The following RAD51B variants were observed in gnomAD, a reference collection of about 807,000 sequenced individuals.
RAD51B encodes DNA repair protein RAD51 homolog 2.
A neutral mutation model predicts 42.2 loss-of-function variants in RAD51B; 38 were observed. The ratio of observed to expected loss-of-function variants is 0.90; its 90% CI spans 0.70 to 1.18. The LOEUF (loss-of-function observed/expected upper bound fraction) is 1.18. Ranked by LOEUF, RAD51B falls within the 50% of genes most tolerant of loss-of-function variation. The pLI, the probability that RAD51B is intolerant of heterozygous loss-of-function variation, is 0.00. For synonymous variants in RAD51B, 154 were observed against 145.2 expected (o/e 1.06, Z -0.43); for missense variants, 373 against 400.7 (o/e 0.93, Z 0.59).
At chr14:67,917,790 T>A (rs181345705) in intron 7 of RAD51B, among the ~76,000 whole-genome samples, 7 of 152,100 alleles carry the variant, frequency 4.6e-5, no homozygotes, top group Admixed American at 4.6e-4. Context: ...ACAGAGCAGA[T>A]TTGAGGGGGA....
chr14:68,663,454 C>G (rs1358896634), intron 11 of RAD51B, among the ~76,000 whole-genome samples: 4 of 152,218 alleles, frequency 2.6e-5, no homozygotes, highest in African/African-American at 2.4e-5. Context: ...ATGAATGGCT[C>G]TCTCCTCCAG....
intron 7 of RAD51B, among the ~76,000 whole-genome samples, chr14:68,089,289 G>A (rs1222735982): frequency 6.6e-6 from 1 of 152,052 alleles, no homozygotes; most frequent in Non-Finnish European, 1.5e-5. Context: ...TGTCCCTCCT[G>A]GTAATGTACT....
Position 68,388,799 on chromosome 14 carries a change from G to A in RAD51B, c.854-22625G>A, listed in dbSNP as rs544568137. Reference sequence around the variant, plus strand: ...TGATGTGGGAAGTGCACCTCCCAGCGTGGCTGCATCTGGTCCAGGCTGAAT... The same window carrying A: ...TGATGTGGGAAGTGCACCTCCCAGCATGGCTGCATCTGGTCCAGGCTGAAT... On this transcript the variant is annotated intron_variant, in intron 8 of 10. Transcript: ENST00000471583. 5.3e-5 allele frequency among the ~76,000 whole-genome samples: 8 copies of A among 152,306 alleles called. No homozygotes were observed. In the East Asian group the frequency reaches 7.7e-4, roughly 15 times the overall value.
chr14:68,357,484 T>G (rs972444747), intron 8 of RAD51B, among the ~76,000 whole-genome samples: 5 of 152,072 alleles, frequency 3.3e-5, no homozygotes, highest in Admixed American at 3.3e-4. Flanking sequence ...ATCTTCTGAA[T>G]GGCATCTAGA....
intron 4 of RAD51B, among the ~76,000 whole-genome samples, chr14:67,863,128 G>A (rs2042215226): frequency 6.7e-6 from 1 of 148,454 alleles, no homozygotes; most frequent in Non-Finnish European, 1.5e-5. Context: ...TTATAAACCA[G>A]CATATAGTTT....
At chr14:68,035,142 G>A (rs1269487012) in intron 7 of RAD51B, among the ~76,000 whole-genome samples, 1 of 152,154 alleles carries the variant, frequency 6.6e-6, no homozygotes, top group Non-Finnish European at 1.5e-5. Flanking sequence ...ATGGATTTCT[G>A]TGGATTATAC....
chr14:67,949,255 T>G (rs2074396647), intron 7 of RAD51B, among the ~76,000 whole-genome samples: 2 of 152,362 alleles, frequency 1.3e-5, no homozygotes, highest in Middle Eastern at 3.4e-3. Flanking sequence ...AGAACTTCTT[T>G]TAATATTGGG....
intron 8 of RAD51B, among the ~76,000 whole-genome samples, chr14:68,304,548 A>G (rs1393464828): frequency 1.3e-5 from 2 of 152,222 alleles, no homozygotes; most frequent in Non-Finnish European, 2.9e-5. Flanking sequence ...ATGCATCACT[A>G]TAAGTGCAGC....
At chr14:68,507,243 A>C (rs576278738) in intron 10 of RAD51B, among the ~76,000 whole-genome samples, 1 of 152,144 alleles carries the variant, frequency 6.6e-6, no homozygotes, top group African/African-American at 2.4e-5. Context: ...GTGCTGTTTT[A>C]GCACCCAATC....
chr14:68,084,688 A>G (rs1323115954), intron 7 of RAD51B, among the ~76,000 whole-genome samples: 4 of 152,226 alleles, frequency 2.6e-5, no homozygotes, highest in Admixed American at 2.6e-4. Flanking sequence ...AATTTGGGGG[A>G]AATTTTTGAA....
chr14:68,404,544 G>A (rs1275716569), intron 8 of RAD51B, among the ~76,000 whole-genome samples: 3 of 152,154 alleles, frequency 2.0e-5, no homozygotes, highest in South Asian at 2.1e-4. Context: ...CAACTTTATA[G>A]TAACTTACAG....
At chr14:68,552,465 C>T (rs191167080) in intron 10 of RAD51B, among the ~76,000 whole-genome samples, 1 of 152,152 alleles carries the variant, frequency 6.6e-6, no homozygotes, top group African/African-American at 2.4e-5. Context: ...GCCCCATTCC[C>T]TTTTGAGACA....
chr14:68,111,976 C>T (rs1036799269), intron 7 of RAD51B, among the ~76,000 whole-genome samples: 1 of 152,030 alleles, frequency 6.6e-6, no homozygotes, highest in African/African-American at 2.4e-5. Flanking sequence ...GCTTATCCTC[C>T]AAAAAGCTTT....
chr14:68,583,282 AG>A (rs1890296839), intron 10 of RAD51B, among the ~76,000 whole-genome samples: 1 of 152,114 alleles, frequency 6.6e-6, no homozygotes, highest in African/African-American at 2.4e-5. Context: ...ACCTGCCAGG[AG>A]GGGGTGACAC....
chr14:68,239,591 C>T (rs1482335248), intron 7 of RAD51B, among the ~76,000 whole-genome samples: 1 of 151,824 alleles, frequency 6.6e-6, no homozygotes, highest in Non-Finnish European at 1.5e-5. Flanking sequence ...ACTCACTGCT[C>T]TCTTCTTTTG....
At chr14:67,992,376 C>G (rs899506428) in intron 7 of RAD51B, among the ~76,000 whole-genome samples, 9 of 152,088 alleles carry the variant, frequency 5.9e-5, no homozygotes, top group Admixed American at 5.9e-4. Context: ...TTTGTCTGGT[C>G]CTTAAAGCTG....
intron 7 of RAD51B, among the ~76,000 whole-genome samples, chr14:67,910,514 A>C (rs1398194400): frequency 6.6e-6 from 1 of 151,484 alleles, no homozygotes; most frequent in Non-Finnish European, 1.5e-5. Context: ...AATCTAGGAA[A>C]CTAAATTACT....
At chr14:68,594,863 C>T in exon 11 of RAD51B, 1 of 1,173,490 alleles carries the variant, frequency 8.5e-7, no homozygotes, top group Non-Finnish European at 1.1e-6. Context: ...GTCCCAGGCA[C>T]ACAGCCCATG....
intron 7 of RAD51B, among the ~76,000 whole-genome samples, chr14:67,956,467 CAG>C (rs1409701352): frequency 1.3e-5 from 2 of 152,040 alleles, no homozygotes; most frequent in African/African-American, 4.8e-5. Context: ...GCCTGGGCGA[CAG>C]AGCGACTCCG....
Sources: allele counts gnomAD v4.1 joint callset (sites outside exome capture counted in the v4.1 genomes callset), GRCh38; gene constraint gnomAD v4.1.1; transcripts MANE v1.5; gene names NCBI Gene and HGNC (gene_info 2026-07-23, HGNC 2026-07-21).